The following ZNF519 variants were observed in gnomAD, a reference collection of about 807,000 sequenced individuals.
ZNF519 encodes the protein zinc finger protein 519.
ZNF519 carries 7 observed loss-of-function variants against 7.4 expected under a neutral mutation model. That is an observed-to-expected ratio of 0.94 (90% CI 0.54 to 1.77). ZNF519 has a LOEUF of 1.77. Ranked by LOEUF, ZNF519 falls within the 40% of genes most tolerant of loss-of-function variation. The probability of loss-of-function intolerance (pLI) is 0.00; values close to 1 mark genes in which losing one functional copy is unlikely to be tolerated. For synonymous variants in ZNF519, 179 were observed against 203.3 expected (o/e 0.88, Z 1.02); for missense variants, 586 against 623.1 (o/e 0.94, Z 0.63).
At chr18:14,072,372 T>C (rs1433153893), downstream of ZNF519, 1 of 152,202 alleles carries the variant, frequency 6.6e-6, no homozygotes, top group Non-Finnish European at 1.5e-5. Flanking sequence ...GCTTGTTACA[T>C]TATGGTTATG....
intron 2 of ZNF519, among the ~76,000 whole-genome samples, chr18:14,091,317 C>G (rs999193621): frequency 1.3e-5 from 2 of 152,146 alleles, no homozygotes; most frequent in African/African-American, 4.8e-5. Flanking sequence ...CACTGCCCCC[C>G]ATTTCCTGTC....
Position 14,105,862 on chromosome 18 carries a change from T to G in ZNF519, c.678A>C (p.Gln226His). Residue 226 changes from glutamine (Q) to histidine (H), a missense_variant, in exon 3 of 3, where the codon CAA (glutamine) becomes CAC (histidine). Transcript: ENST00000590202. ...ETSDPFSKLT[Q>H]HQRIYIGESS... ...TCTCTCCAATATAAATTCTTTGATG[T>G]TGAGTAAGCTTTGAGAATGGGTCAG... The G allele has an allele frequency of 6.2e-7, 1 of 1,601,832 alleles. No homozygotes were observed. The highest frequency in any genetic ancestry group is 8.5e-7 in the Non-Finnish European group (1 of 1,176,854).
At chr18:14,108,891 G>C (rs1174091548) in intron 2 of ZNF519, among the ~76,000 whole-genome samples, 4 of 152,058 alleles carry the variant, frequency 2.6e-5, no homozygotes. Context: ...GGGAGTTTGA[G>C]ACCAGCCTGA....
intron 2 of ZNF519, among the ~76,000 whole-genome samples, chr18:14,109,252 A>G (rs1246627583): frequency 3.9e-5 from 6 of 152,200 alleles, no homozygotes; most frequent in African/African-American, 1.2e-4. Flanking sequence ...ACAGGCCCCA[A>G]TATAATAATA....
intron 4 of ZNF519, among the ~76,000 whole-genome samples, chr18:14,077,926 C>T (rs565558476): frequency 2.6e-5 from 4 of 152,282 alleles, no homozygotes; most frequent in Admixed American, 6.5e-5. Flanking sequence ...AATAGGCAGT[C>T]GTCCCCAACC....
In ZNF519 at chr18:14,125,040, G is replaced by C. The variant is rs565667242; in HGVS notation, c.4-564C>G. 4.6e-5 allele frequency among the ~76,000 whole-genome samples: 7 copies of C among 152,262 alleles called. No homozygotes were observed. The East Asian group carries it at 1.4e-3, about 29-fold the overall frequency. On this transcript the variant is annotated intron_variant, in intron 1 of 2. Coordinates refer to ENST00000590202, the MANE Select transcript of ZNF519 (RefSeq NM_145287.4). ...ACAAAATTTTGCAGGTTTAAAAAGGGTCCATGAATTAGCTTCTTATAACAA... is the reference window on the plus strand; with the variant it reads ...ACAAAATTTTGCAGGTTTAAAAAGGCTCCATGAATTAGCTTCTTATAACAA...
At chr18:14,124,757 T>C (rs999273579) in intron 1 of ZNF519, among the ~76,000 whole-genome samples, 1 of 151,944 alleles carries the variant, frequency 6.6e-6, no homozygotes, top group Non-Finnish European at 1.5e-5. Context: ...TGAACTCACC[T>C]CTCATTAAAG....
intron 2 of ZNF519, among the ~76,000 whole-genome samples, chr18:14,093,087 A>G (rs1379986800): frequency 6.6e-6 from 1 of 152,140 alleles, no homozygotes. Context: ...ATACATCAGG[A>G]GTGTCTTTCT....
intron 2 of ZNF519, among the ~76,000 whole-genome samples, chr18:14,087,799 T>C (rs2046097620): frequency 6.6e-6 from 1 of 152,072 alleles, no homozygotes; most frequent in Non-Finnish European, 1.5e-5. Flanking sequence ...ATCATATAGG[T>C]CAACAATACC....
At chr18:14,111,170 A>G (rs543105894) in intron 2 of ZNF519, among the ~76,000 whole-genome samples, 1 of 57,898 alleles carries the variant, frequency 1.7e-5, no homozygotes, top group African/African-American at 4.9e-5. Flanking sequence ...GTTGTTTTCT[A>G]AAAAAAAAAA....
intron 2 of ZNF519, among the ~76,000 whole-genome samples, chr18:14,107,464 G>C (rs570772608): frequency 6.6e-6 from 1 of 152,318 alleles, no homozygotes; most frequent in Admixed American, 6.5e-5. Context: ...CTTTCATTGG[G>C]ACTCTGAGGC....
Position 14,101,494 on chromosome 18 carries a change from T to C in ZNF519, c.*3423A>G, listed in dbSNP as rs2046161007. 1 of 395,866 alleles carries C rather than the reference T, an allele frequency of 2.5e-6. No individual in the cohort carries two copies. The highest frequency in any genetic ancestry group is 4.4e-6 in the Non-Finnish European group (1 of 225,034). The allele number at this position is 395,866 out of a possible 1,614,324, so 24.5% of individuals were successfully genotyped here. ...ATTGTACACCTGAACAGTGCTGGGG[T>C]GAAATGGTGGGGCTGAAGGAAGGAA... On this transcript the variant is annotated 3_prime_UTR_variant, in exon 3 of 3. Coordinates refer to ENST00000590202, the MANE Select transcript of ZNF519 (RefSeq NM_145287.4).
chr18:14,120,986 G>C (rs2046267149), intron 2 of ZNF519, among the ~76,000 whole-genome samples: 1 of 151,962 alleles, frequency 6.6e-6, no homozygotes, highest in Admixed American at 6.6e-5. Context: ...CACACACACA[G>C]AGAAGAATAC....
intron 2 of ZNF519, among the ~76,000 whole-genome samples, chr18:14,086,932 C>CAACAACAAA (rs1427274954): frequency 6.6e-6 from 1 of 151,788 alleles, no homozygotes; most frequent in African/African-American, 2.4e-5. Context: ...AAGGACATAA[C>CAACAACAAA]AACAACAACA....
At chr18:14,122,253 T>C (rs1567954499) in intron 2 of ZNF519, 1 of 152,214 alleles carries the variant, frequency 6.6e-6, no homozygotes, top group Non-Finnish European at 1.5e-5. Context: ...TTACATTTTT[T>C]CATATTTAGA....
chr18:14,116,451 G>A (rs535784217), intron 2 of ZNF519, among the ~76,000 whole-genome samples: 377 of 152,204 alleles, frequency 2.5e-3, no homozygotes, highest in Admixed American at 4.5e-3. Context: ...AAAACAGTGC[G>A]GTACTTGCAG....
chr18:14,078,351 A>T (rs1450726788), intron 3 of ZNF519: 1 of 152,176 alleles, frequency 6.6e-6, no homozygotes, highest in African/African-American at 2.4e-5. Flanking sequence ...GCAAATTAAC[A>T]TGTACATGTA....
intron 3 of ZNF519, among the ~76,000 whole-genome samples, chr18:14,084,688 G>A (rs896251208): frequency 6.6e-6 from 1 of 152,040 alleles, no homozygotes; most frequent in African/African-American, 2.4e-5. Flanking sequence ...CCTTCACCAG[G>A]CTCCCCTCTC....
chr18:14,090,170 A>AT (rs2143095749), intron 2 of ZNF519: 1 of 152,352 alleles, frequency 6.6e-6, no homozygotes, highest in South Asian at 2.1e-4. Context: ...CTGACTTTAC[A>AT]TAAGGCATGA....
Sources: allele counts gnomAD v4.1 joint callset (sites outside exome capture counted in the v4.1 genomes callset), GRCh38; gene constraint gnomAD v4.1.1; transcripts MANE v1.5; gene names NCBI Gene and HGNC (gene_info 2026-07-23, HGNC 2026-07-21).